The following DPF3 variants were observed in gnomAD, a reference collection of about 807,000 sequenced individuals.
DPF3 encodes double PHD fingers 3.
In DPF3, 18 loss-of-function variants were observed where a neutral mutation model predicts 56.8. The ratio of observed to expected loss-of-function variants is 0.32; its 90% CI spans 0.22 to 0.47. The LOEUF (loss-of-function observed/expected upper bound fraction) is 0.47, where lower values mean the gene tolerates loss of function less well. Ranked by LOEUF, DPF3 falls within the 20% of genes least tolerant of loss-of-function variation. The pLI, the probability that DPF3 is intolerant of heterozygous loss-of-function variation, is 1.00. For synonymous variants in DPF3, 188 were observed against 180.2 expected, an observed-to-expected ratio of 1.04 and a Z score of -0.35; for missense variants, 403 against 488.8, an observed-to-expected ratio of 0.82 and a Z score of 1.65.
chr14:72,825,994 A>G (rs1883782520), intron 1 of DPF3, among the ~76,000 whole-genome samples: 1 of 151,968 alleles, frequency 6.6e-6, no homozygotes, highest in Non-Finnish European at 1.5e-5. Context: ...GGAAAAATAC[A>G]GATGGGGGCA....
rs564233954 is a variant in DPF3 at position 72,697,014 on chromosome 14, G to A, written c.605-3801C>T. Among the ~76,000 whole-genome samples the A allele has an allele frequency of 6.2e-4, 94 of 152,190 alleles. 1 individual carries two copies. The highest frequency in any genetic ancestry group is 9.4e-4 in the Non-Finnish European group (64 of 68,018). On this transcript the variant is annotated intron_variant, in intron 6 of 10. Coordinates refer to ENST00000556509, the MANE Select transcript of DPF3 (RefSeq NM_001280542.3). ...CACATGCCCTTCTTGATGGATGGCC[G>A]TAGCAGGCAGGGGCAGGATAGGCAG...
In DPF3 at chr14:72,776,776, C is replaced by T. The variant is rs147335917; in HGVS notation, c.33-4883G>A. ...CTCTGACCTGAGGACAGGTGTCCTG[C>T]CATACCAGAAATGTGAGTCCAATAG... On this transcript the variant is annotated intron_variant, in intron 1 of 10. Transcript: ENST00000556509. Among the ~76,000 whole-genome samples, 855 of 152,006 alleles carry T rather than the reference C, an allele frequency of 5.6e-3. 13 individuals are homozygous for T. The highest frequency in any genetic ancestry group is 0.02 in the African/African-American group (820 of 41,452).
At chr14:72,668,450 T>C (rs1428620730) in intron 8 of DPF3, among the ~76,000 whole-genome samples, 2 of 152,148 alleles carry the variant, frequency 1.3e-5, no homozygotes, top group African/African-American at 4.8e-5. Flanking sequence ...TATGCTTCTA[T>C]TACCCCAAGG....
At chr14:72,890,800 G>A (rs1886720785) in intron 1 of DPF3, among the ~76,000 whole-genome samples, 1 of 152,094 alleles carries the variant, frequency 6.6e-6, no homozygotes, top group Non-Finnish European at 1.5e-5. Flanking sequence ...TGGTTGTGGG[G>A]GCCACCTGCC....
At chr14:72,810,857 T>C (rs1883014636) in intron 1 of DPF3, among the ~76,000 whole-genome samples, 1 of 152,212 alleles carries the variant, frequency 6.6e-6, no homozygotes, top group African/African-American at 2.4e-5. Flanking sequence ...CACACTGGAA[T>C]AGAGTGAGCC....
chr14:72,761,711 T>G (rs1435079802), intron 2 of DPF3, among the ~76,000 whole-genome samples: 1 of 151,610 alleles, frequency 6.6e-6, no homozygotes, highest in Admixed American at 6.6e-5. Flanking sequence ...AAGAGCAAAT[T>G]AAATCCAAAG....
chr14:72,633,450 G>A (rs1357078290), intron 8 of DPF3, among the ~76,000 whole-genome samples: 1 of 152,112 alleles, frequency 6.6e-6, no homozygotes, highest in Non-Finnish European at 1.5e-5. Context: ...AGGAGCTCAA[G>A]TCCTCCAAGA....
At chr14:72,871,021 A>G (rs904809651) in intron 1 of DPF3, among the ~76,000 whole-genome samples, 9 of 144,746 alleles carry the variant, frequency 6.2e-5, no homozygotes, top group African/African-American at 2.4e-4. Flanking sequence ...GGTGAAAGGC[A>G]CTTCTTACAT....
intron 1 of DPF3, among the ~76,000 whole-genome samples, chr14:72,864,810 G>A (rs1243326941): frequency 2.0e-5 from 3 of 152,234 alleles, no homozygotes; most frequent in Non-Finnish European, 4.4e-5. Context: ...TAGAAGCACT[G>A]CAGGCTGGGA....
rs60114618 is a variant in DPF3, at chr14:72,661,854, C to CTTTTTTTTTTTTTTTT, written c.871+12370_871+12385dup. On this transcript the variant is annotated intron_variant, in intron 8 of 10. Coordinates refer to ENST00000556509, the MANE Select transcript of DPF3 (RefSeq NM_001280542.3). ...ACCTCAGCTGATGCTTTTATTTTTG[C>CTTTTTTTTTTTTTTTT]TTTTTTTTTTTTTTTTTTTTTGCTG... 5.7e-6 allele frequency: 4 copies of CTTTTTTTTTTTTTTTT among 699,802 alleles called. No individual in the cohort carries two copies. The African/African-American group carries it at 1.0e-4, about 17-fold the overall frequency. The allele number at this position is 699,802 out of a possible 1,614,324, so 43.3% of individuals were successfully genotyped here. A position where few individuals can be genotyped will look rare whatever the true frequency, so the allele number is the denominator to read the frequency against.
At chr14:72,703,807 A>G (rs1017626605) in intron 6 of DPF3, among the ~76,000 whole-genome samples, 1 of 152,228 alleles carries the variant, frequency 6.6e-6, no homozygotes, top group African/African-American at 2.4e-5. Flanking sequence ...AACAAACATC[A>G]GCTATTTTTG....
Position 72,620,004 on chromosome 14 carries a change from G to A in DPF3, c.985-20C>T. The A allele has an allele frequency of 6.6e-7, 1 of 1,526,326 alleles. No individual in the cohort carries two copies. 94.5% of individuals were successfully genotyped at this position (1,526,326 alleles called of 1,614,324 possible). Reference sequence around the variant, plus strand: ...CTGGTCCTGGTGGAACACAGAGTAAGCACAGAGGAGGAGAGATTCCATTAT... The same window carrying A: ...CTGGTCCTGGTGGAACACAGAGTAAACACAGAGGAGGAGAGATTCCATTAT... On this transcript the variant is annotated intron_variant, in intron 9 of 10. Transcript: ENST00000556509.
chr14:72,871,074 C>T (rs1419007906), intron 1 of DPF3, among the ~76,000 whole-genome samples: 1 of 152,138 alleles, frequency 6.6e-6, no homozygotes, highest in South Asian at 2.1e-4. Context: ...AAGCAGAAAC[C>T]CCAGATAAAC....
intron 1 of DPF3, among the ~76,000 whole-genome samples, chr14:72,884,335 G>A (rs1753731555): frequency 6.6e-6 from 1 of 152,170 alleles, no homozygotes; most frequent in South Asian, 2.1e-4. Flanking sequence ...ATGATTAGAT[G>A]TGATGGGTAA....
chr14:72,800,943 T>C (rs184814041), intron 1 of DPF3, among the ~76,000 whole-genome samples: 1 of 152,302 alleles, frequency 6.6e-6, no homozygotes, highest in Non-Finnish European at 1.5e-5. Flanking sequence ...GGAAAGGAGA[T>C]AACTATAGGC....
chr14:72,661,246 A>G, intron 8 of DPF3: 2 of 985,416 alleles, frequency 2.0e-6, no homozygotes, highest in Non-Finnish European at 2.4e-6. Flanking sequence ...GGGCTACAAA[A>G]TGATACAGAC....
chr14:72,715,179 C>T (rs1173741913), intron 5 of DPF3, among the ~76,000 whole-genome samples: 4 of 152,182 alleles, frequency 2.6e-5, no homozygotes, highest in South Asian at 4.1e-4. Flanking sequence ...CAGCCAGTGA[C>T]GAAGACCTTG....
intron 1 of DPF3, among the ~76,000 whole-genome samples, chr14:72,772,786 C>G: frequency 6.6e-6 from 1 of 152,132 alleles, no homozygotes; most frequent in East Asian, 1.9e-4. Flanking sequence ...CAAATACCTA[C>G]CAAATAAAAC....
intron 1 of DPF3, among the ~76,000 whole-genome samples, chr14:72,823,609 T>G (rs137958840): frequency 6.6e-6 from 1 of 152,158 alleles, no homozygotes; most frequent in Non-Finnish European, 1.5e-5. Context: ...CCAAGACATT[T>G]CTGCACTCGA....
Sources: allele counts gnomAD v4.1 joint callset (sites outside exome capture counted in the v4.1 genomes callset), GRCh38; gene constraint gnomAD v4.1.1; transcripts MANE v1.5; gene names NCBI Gene and HGNC (gene_info 2026-07-23, HGNC 2026-07-21).